Variants in GARNL3 observed in about 807,000 individuals in gnomAD.
GARNL3 encodes GTPase-activating Rap/Ran-GAP domain-like protein 3.
GARNL3 carries 63 observed loss-of-function variants against 125.0 expected under a neutral mutation model. The ratio of observed to expected loss-of-function variants is 0.50; its 90% confidence interval spans 0.41 to 0.62. The LOEUF is 0.62. Ranked by LOEUF, GARNL3 falls within the 20% of genes least tolerant of loss-of-function variation. The pLI, the probability that GARNL3 is intolerant of heterozygous loss-of-function variation, is 0.00. For synonymous variants in GARNL3, 439 were observed against 457.5 expected (o/e 0.96, Z 0.52); for missense variants, 994 against 1,244.0 (o/e 0.80, Z 3.02).
At chr9:127,249,863 G>C (rs2063369391) in intron 2 of GARNL3, among the ~76,000 whole-genome samples, 1 of 152,056 alleles carries the variant, frequency 6.6e-6, no homozygotes, top group Admixed American at 6.6e-5. Flanking sequence ...CAAAAAATTA[G>C]CCAGATGTGG....
At position 127,286,829 on chromosome 9, in the gene GARNL3, T is replaced by C. The variant is rs78956080; in HGVS notation, c.145-4339T>C. ...TATCATAGGATCAATGATTATTCTC[T>C]TGATTCTTCCTTATTGGGTGTATTA... On this transcript the variant is annotated intron_variant, in intron 1 of 27. Transcript: ENST00000373387. Among the ~76,000 whole-genome samples the C allele has an allele frequency of 9.4e-3, 1,427 of 152,342 alleles. 24 individuals are homozygous for C. Among genetic ancestry groups the C allele is most frequent in the African/African-American group, 0.032 (1,333 of 41,572 alleles).
chr9:127,346,865 T>C (rs1192058688), intron 16 of GARNL3, among the ~76,000 whole-genome samples: 1 of 152,164 alleles, frequency 6.6e-6, no homozygotes, highest in Non-Finnish European at 1.5e-5. Flanking sequence ...GTCATGTTCT[T>C]AGAGAGTGCC....
chr9:127,235,964 A>G (rs1469254563), intron 1 of GARNL3, among the ~76,000 whole-genome samples: 1 of 152,208 alleles, frequency 6.6e-6, no homozygotes, highest in Non-Finnish European at 1.5e-5. Context: ...AAAGATGTTT[A>G]TATCTGATGG....
At chr9:127,331,092 C>T (rs1829208097) in intron 7 of GARNL3, among the ~76,000 whole-genome samples, 1 of 152,028 alleles carries the variant, frequency 6.6e-6, no homozygotes, top group African/African-American at 2.4e-5. Context: ...GGTCAACCAA[C>T]CTTGTAGAGG....
chr9:127,369,310 G>C (rs1199361624), intron 22 of GARNL3, among the ~76,000 whole-genome samples: 1 of 152,178 alleles, frequency 6.6e-6, no homozygotes, highest in Non-Finnish European at 1.5e-5. Context: ...AGTCCAGCCT[G>C]GACCCATCAG....
intron 1 of GARNL3, among the ~76,000 whole-genome samples, chr9:127,234,762 G>A (rs1299667946): frequency 1.3e-5 from 2 of 152,144 alleles, no homozygotes; most frequent in Non-Finnish European, 2.9e-5. Flanking sequence ...GTCTGATGAG[G>A]GCCTGCTACA....
intron 22 of GARNL3, among the ~76,000 whole-genome samples, chr9:127,375,689 G>A (rs944377438): frequency 6.6e-6 from 1 of 152,142 alleles, no homozygotes; most frequent in East Asian, 1.9e-4. Context: ...GCTGGACTTA[G>A]TGATTCCTGT....
intron 21 of GARNL3, among the ~76,000 whole-genome samples, chr9:127,361,046 G>A (rs1255784445): frequency 3.9e-5 from 6 of 152,132 alleles, no homozygotes; most frequent in African/African-American, 1.2e-4. Context: ...TTATGGGAGG[G>A]GCTCAGGTCC....
At chr9:127,376,660 C>A (rs1004130345) in intron 22 of GARNL3, among the ~76,000 whole-genome samples, 1 of 151,974 alleles carries the variant, frequency 6.6e-6, no homozygotes, top group East Asian at 1.9e-4. Context: ...AACAGTACAT[C>A]TTTTATTCAG....
chr9:127,251,821 C>T (rs1274423047), intron 2 of GARNL3, among the ~76,000 whole-genome samples: 1 of 152,218 alleles, frequency 6.6e-6, no homozygotes, highest in African/African-American at 2.4e-5. Context: ...AAAGCAGACA[C>T]AGGAAGAACT....
intron 9 of GARNL3, among the ~76,000 whole-genome samples, 163 bp from the exon 10 acceptor site, chr9:127,335,067 G>T (rs556418094): frequency 2.0e-5 from 3 of 152,318 alleles, no homozygotes; most frequent in South Asian, 2.1e-4. Context: ...CTTTCCATGT[G>T]GGGGGTTGCA....
intron 13 of GARNL3, among the ~76,000 whole-genome samples, chr9:127,341,626 C>T (rs1829864432): frequency 6.6e-6 from 1 of 152,118 alleles, no homozygotes; most frequent in Non-Finnish European, 1.5e-5. Context: ...AGACAGCATT[C>T]ACTGTAGGGG....
At chr9:127,332,204 C>G (rs1829296996) in intron 7 of GARNL3, 70 bp from the exon 8 acceptor site, 2 of 1,135,020 alleles carry the variant, frequency 1.8e-6, no homozygotes, top group South Asian at 1.3e-5. Flanking sequence ...AAGTCACGAA[C>G]AGCCCATCTC....
chr9:127,332,303 T>G lies in GARNL3; in HGVS notation c.624T>G (p.Leu208=). ...CTGTGAATTTCAAGTTTGGGGTTCT[T>G]TTTGCCAAAGATGGGCAGCTCACTG... ...EGSVNFKFGV[L]FAKDGQLTDD... is the part of the protein sequence containing the mutation. The change falls in exon 8 of 28, where the codon CTT becomes CTG. Residue 208 remains leucine (L), a synonymous_variant. Coordinates refer to ENST00000373387, the MANE Select transcript of GARNL3 (RefSeq NM_032293.5). 1.9e-6 allele frequency: 3 copies of G among 1,613,944 alleles called. No homozygotes were observed. Among genetic ancestry groups the G allele is most frequent in the Non-Finnish European group, 1.7e-6 (2 of 1,179,862 alleles).
upstream of GARNL3, among the ~76,000 whole-genome samples, chr9:127,262,480 C>G (rs2063613637): frequency 6.6e-6 from 1 of 152,180 alleles, no homozygotes; most frequent in Non-Finnish European, 1.5e-5. Context: ...GATGCATATC[C>G]ATCACTTTGG....
intron 2 of GARNL3, among the ~76,000 whole-genome samples, chr9:127,292,617 C>T (rs1333450359): frequency 6.6e-6 from 1 of 152,244 alleles, no homozygotes; most frequent in Non-Finnish European, 1.5e-5. Context: ...TGCCACCCTA[C>T]GTAAGCACAA....
Position 127,376,577 on chromosome 9 carries a change from GCTTTCTTT to G in GARNL3, c.2162-6840_2162-6833del, listed in dbSNP as rs58810186. Reference sequence around the variant, plus strand: ...ATGCATCTTATAATTATAGTGGACAGCTTTCTTTCTTTCTTTCTTTCTTTCTTTTTTAT... The same window carrying G: ...ATGCATCTTATAATTATAGTGGACAGCTTTCTTTCTTTCTTTCTTTTTTAT... On this transcript the variant is annotated intron_variant, in intron 22 of 27. Transcript: ENST00000373387. Among the ~76,000 whole-genome samples the G allele has an allele frequency of 2.0e-3, 305 of 151,790 alleles. 1 individual carries two copies. Among genetic ancestry groups the G allele is most frequent in the African/African-American group, 6.7e-3 (276 of 41,322 alleles).
At chr9:127,338,237 C>G in intron 12 of GARNL3, 76 bp downstream of exon 12, 1 of 1,122,696 alleles carries the variant, frequency 8.9e-7, no homozygotes, top group Non-Finnish European at 1.4e-6. Flanking sequence ...TTACAAGACT[C>G]TTGATATACA....
intron 7 of GARNL3, among the ~76,000 whole-genome samples, chr9:127,328,995 G>A (rs1440907097): frequency 6.6e-6 from 1 of 152,162 alleles, no homozygotes; most frequent in Non-Finnish European, 1.5e-5. Flanking sequence ...CCCAGGTCTG[G>A]CCTTGAGACC....
Sources: allele counts gnomAD v4.1 joint callset (sites outside exome capture counted in the v4.1 genomes callset), GRCh38; gene constraint gnomAD v4.1.1; transcripts MANE v1.5; gene names NCBI Gene and HGNC (gene_info 2026-07-23, HGNC 2026-07-21).